Variants in DHX57 observed in about 807,000 individuals in gnomAD.
The protein encoded by DHX57 is DExH-box helicase 57.
DHX57 carries 105 observed loss-of-function variants against 156.2 expected under a neutral mutation model. That is an observed-to-expected ratio of 0.67 (90% CI 0.57 to 0.79). The LOEUF is 0.79. Among genes scored for constraint, DHX57 ranks in the 30% least tolerant of loss-of-function variants. DHX57 has a pLI of 0.00. For missense variants in DHX57, 1,847 were observed against 1,661.9 expected, an observed-to-expected ratio of 1.11 and a Z score of -1.94; for synonymous variants, 704 against 595.6, an observed-to-expected ratio of 1.18 and a Z score of -2.65.
chr2:38,801,637 C>T (rs1477751949), intron 23 of DHX57, among the ~76,000 whole-genome samples: 1 of 151,660 alleles, frequency 6.6e-6, no homozygotes, highest in Non-Finnish European at 1.5e-5. Flanking sequence ...TCTTGTTGCT[C>T]AGGCTGGAGT....
At position 38,805,879 on chromosome 2, in the gene DHX57, G is replaced by T. The variant is rs1427718494; in HGVS notation, c.3816+680C>A. 3.9e-5 allele frequency among the ~76,000 whole-genome samples: 6 copies of T among 152,318 alleles called. No homozygotes were observed. The South Asian group carries it at 1.0e-3, about 26-fold the overall frequency. ...TGTGTGTAAGTGGCAGTTGGGATGTGTAAGTGCTGTTGTGCCTTTGGTGGT... is the reference window on the plus strand; with the variant it reads ...TGTGTGTAAGTGGCAGTTGGGATGTTTAAGTGCTGTTGTGCCTTTGGTGGT... On this transcript the variant is annotated intron_variant, in intron 22 of 23. Transcript: ENST00000457308.
rs540582868 is a variant in DHX57 at position 38,861,080 on chromosome 2, A to G, written c.1330T>C (p.Ser444Pro). The G allele has an allele frequency of 2.5e-6, 4 of 1,614,206 alleles. No homozygotes were observed. The South Asian group carries it at 4.4e-5, about 18-fold the overall frequency. ...GCAGGATTATTTATTCTGGTCCTAG[A>G]GGGTACTGGCAGAAAGTTCACAGGA... ...DPPVNFLPVP[S>P]RTRINNPACH... Residue 444 changes from serine (S) to proline (P), a missense_variant, in exon 5 of 24, where the codon TCT becomes CCT. Physicochemically the swap from Ser to Pro is moderately conservative, Grantham distance 74. Coordinates refer to ENST00000457308, the MANE Select transcript of DHX57 (RefSeq NM_198963.3).
intron 16 of DHX57, among the ~76,000 whole-genome samples, chr2:38,825,144 G>C (rs1297681968): frequency 1.3e-5 from 2 of 151,998 alleles, no homozygotes; most frequent in African/African-American, 4.8e-5. Context: ...TTCACATACA[G>C]CTCCTTTTTA....
At chr2:38,808,400 CT>C (rs35920328) in intron 21 of DHX57, among the ~76,000 whole-genome samples, 1 of 151,922 alleles carries the variant, frequency 6.6e-6, no homozygotes, top group African/African-American at 2.4e-5. Context: ...AAAATAGAAT[CT>C]TTTTTTATAG....
At position 38,810,477 on chromosome 2, in the gene DHX57, A is replaced by G. The variant is rs2148539201; in HGVS notation, c.3681+3344T>C. ...GCTCTGGAGATGATGATATTCCTTC[A>G]TCCTGAGGGAATTGATGTTGATGAG... On this transcript the variant is annotated intron_variant, in intron 21 of 23. Transcript: ENST00000457308. The G allele has an allele frequency of 1.8e-5, 10 of 546,704 alleles. 1 individual carries two copies. The highest frequency in any genetic ancestry group is 1.4e-4 in the South Asian group (10 of 71,948). The allele number at this position is 546,704 out of a possible 1,614,324, so 33.9% of individuals were successfully genotyped here. A position where few individuals can be genotyped will look rare whatever the true frequency, so the allele number is the denominator to read the frequency against.
At chr2:38,805,562 G>C (rs1210985226) in intron 22 of DHX57, among the ~76,000 whole-genome samples, 1 of 152,080 alleles carries the variant, frequency 6.6e-6, no homozygotes, top group Non-Finnish European at 1.5e-5. Flanking sequence ...AGTGGCAGTG[G>C]GGATAAAAGG....
At chr2:38,863,318 T>G (rs772483664) in intron 3 of DHX57, 43 bp downstream of exon 3, 5 of 1,581,120 alleles carry the variant, frequency 3.2e-6, no homozygotes, top group Non-Finnish European at 4.3e-6. Context: ...ACTGCCAGTA[T>G]GTTTTCCTTA....
At chr2:38,810,541 A>ACGTT in intron 21 of DHX57, 1 of 566,956 alleles carries the variant, frequency 1.8e-6, no homozygotes, top group African/African-American at 1.8e-5. Context: ...ATTGCCCTCC[A>ACGTT]CGTTCATGCT....
In DHX57 at chr2:38,823,105, G is replaced by T. The variant is rs753971820; in HGVS notation, c.3179C>A (p.Ala1060Asp). The change falls in exon 17 of 24, where the codon GCC becomes GAC. Residue 1060 changes from alanine to aspartate, a missense_variant. Physicochemically the swap from Ala to Asp is moderately radical, Grantham distance 126. Coordinates refer to ENST00000457308, the MANE Select transcript of DHX57 (RefSeq NM_198963.3). ...ERLTPLGYHL[A>D]SLPVDVRIGK... ...AATTCTCACATCCACGGGCAGAGAG[G>T]CCAAATGATACCCAAGAGGGGTCAA... is the stretch of plus-strand genomic sequence containing the variant. 1 of 1,614,132 alleles carries T rather than the reference G, an allele frequency of 6.2e-7. No homozygotes were observed. Among genetic ancestry groups the T allele is most frequent in the Admixed American group, 1.7e-5 (1 of 60,006 alleles).
intron 13 of DHX57, among the ~76,000 whole-genome samples, chr2:38,837,138 T>A (rs1352484311): frequency 6.6e-6 from 1 of 152,156 alleles, no homozygotes; most frequent in African/African-American, 2.4e-5. Context: ...TGTGAGCCAT[T>A]GCACCTGGCA....
At chr2:38,874,693 G>T (rs1023200207) in intron 1 of DHX57, among the ~76,000 whole-genome samples, 4 of 152,192 alleles carry the variant, frequency 2.6e-5, no homozygotes, top group African/African-American at 9.7e-5. Context: ...ACAGGCGTGA[G>T]CCACCGCGCC....
chr2:38,800,981 G>A (rs1366787080), intron 23 of DHX57, among the ~76,000 whole-genome samples: 1 of 152,056 alleles, frequency 6.6e-6, no homozygotes, highest in African/African-American at 2.4e-5. Flanking sequence ...TTGATTACAT[G>A]TTAAAATTAA....
chr2:38,856,591 C>T (rs1182916893), intron 6 of DHX57, 130 bp from the exon 7 acceptor site: 3 of 1,204,484 alleles, frequency 2.5e-6, no homozygotes, highest in Non-Finnish European at 3.3e-6. Context: ...CCAATCTGCA[C>T]TTCCCAGGCT....
intron 9 of DHX57, among the ~76,000 whole-genome samples, chr2:38,850,865 A>G (rs1672550496): frequency 6.6e-6 from 1 of 152,222 alleles, no homozygotes; most frequent in East Asian, 1.9e-4. Flanking sequence ...ACTTGAGCTC[A>G]GGAGTTCAAG....
chr2:38,798,435 TCAG>T lies in DHX57; in HGVS notation c.4022_4024del (p.Ala1341del). On this transcript the variant is annotated inframe_deletion, in exon 24 of 24. Coordinates refer to ENST00000457308, the MANE Select transcript of DHX57 (RefSeq NM_198963.3). Reference sequence around the variant, plus strand: ...TTCGCAACGAAGCTCCTTTACCAGTTCAGCCACCTAAAATGAAAGCTACAATAT... The same window carrying T: ...TTCGCAACGAAGCTCCTTTACCAGTTCCACCTAAAATGAAAGCTACAATAT... The T allele has an allele frequency of 6.2e-7, 1 of 1,609,858 alleles. No individual in the cohort carries two copies. Among genetic ancestry groups the T allele is most frequent in the South Asian group, 1.1e-5 (1 of 90,288 alleles).
In DHX57 at chr2:38,862,248, G is replaced by C. The variant is rs1238092950; in HGVS notation, c.469C>G (p.Leu157Val). Residue 157 changes from leucine (L) to valine (V), a missense_variant, in exon 4 of 24, where the codon CTC (leucine) becomes GTC (valine). Coordinates refer to ENST00000457308, the MANE Select transcript of DHX57 (RefSeq NM_198963.3). ...RYWPAGQEPS[L>V]VPDLDPLEYA... is the part of the protein sequence containing the mutation. Reference sequence around the variant, plus strand: ...TCCAAAGGATCCAAGTCGGGAACGAGGGAAGGTTCCTGTCCAGCTGGCCAG... The same window carrying C: ...TCCAAAGGATCCAAGTCGGGAACGACGGAAGGTTCCTGTCCAGCTGGCCAG... The C allele has an allele frequency of 6.2e-7, 1 of 1,613,942 alleles. No individual in the cohort carries two copies. The highest frequency in any genetic ancestry group is 2.2e-5 in the East Asian group (1 of 44,888).
chr2:38,847,077 G>C lies in DHX57; in HGVS notation c.2165-4C>G. 8 of 1,612,216 alleles carry C rather than the reference G, an allele frequency of 5.0e-6. No homozygotes were observed. The highest frequency in any genetic ancestry group is 6.8e-6 in the Non-Finnish European group (8 of 1,178,774). ...TGATCAACAGGAAATGTACGACCTA[G>C]AAAAACAAGGAGACAAAATAGAAAG... On this transcript the variant is annotated splice_region_variant and splice_polypyrimidine_tract_variant and intron_variant, in intron 10 of 23. Coordinates refer to ENST00000457308, the MANE Select transcript of DHX57 (RefSeq NM_198963.3).
chr2:38,871,856 G>T (rs573210564), intron 1 of DHX57, among the ~76,000 whole-genome samples: 1 of 151,878 alleles, frequency 6.6e-6, no homozygotes, highest in South Asian at 2.1e-4. Context: ...ACAGGTGACC[G>T]CCGCCGGCTA....
intron 13 of DHX57, among the ~76,000 whole-genome samples, chr2:38,832,913 G>C (rs1044407158): frequency 6.6e-6 from 1 of 151,272 alleles, no homozygotes; most frequent in Admixed American, 6.6e-5. Flanking sequence ...ATATTTACTC[G>C]GTACCTAAAT....
Sources: allele counts gnomAD v4.1 joint callset (sites outside exome capture counted in the v4.1 genomes callset), GRCh38; gene constraint gnomAD v4.1.1; transcripts MANE v1.5; gene names NCBI Gene and HGNC (gene_info 2026-07-23, HGNC 2026-07-21).